Variants in KCNQ3 observed in about 807,000 individuals in gnomAD.
The protein encoded by KCNQ3 is potassium voltage-gated channel subfamily KQT member 3.
KCNQ3 carries 30 observed loss-of-function variants against 92.5 expected under a neutral mutation model. That is an observed-to-expected ratio of 0.32 (90% CI 0.24 to 0.44). The LOEUF (loss-of-function observed/expected upper bound fraction) is 0.44, where lower values mean the gene tolerates loss of function less well. Among genes scored for constraint, KCNQ3 ranks in the 20% least tolerant of loss-of-function variants. The probability of loss-of-function intolerance (pLI) is 1.00; values close to 1 mark genes in which losing one functional copy is unlikely to be tolerated. For synonymous variants in KCNQ3, 450 were observed against 468.8 expected (o/e 0.96, Z 0.52); for missense variants, 913 against 1,140.3 (o/e 0.80, Z 2.87).
intron 1 of KCNQ3, among the ~76,000 whole-genome samples, chr8:132,276,528 C>T (rs1401513935): frequency 6.6e-6 from 1 of 152,156 alleles, no homozygotes; most frequent in East Asian, 1.9e-4. Flanking sequence ...CTGCCCCCAC[C>T]CCCAACAAGG....
intron 1 of KCNQ3, among the ~76,000 whole-genome samples, chr8:132,262,445 A>C (rs1044041149): frequency 5.3e-5 from 8 of 152,228 alleles, no homozygotes; most frequent in African/African-American, 1.9e-4. Context: ...AAGGTAAATA[A>C]TATTTTAATG....
chr8:132,253,602 GT>G (rs1235078611), intron 1 of KCNQ3, among the ~76,000 whole-genome samples: 1 of 152,176 alleles, frequency 6.6e-6, no homozygotes, highest in Non-Finnish European at 1.5e-5. Flanking sequence ...AAGCACATGT[GT>G]TTGCATTTTC....
intron 1 of KCNQ3, among the ~76,000 whole-genome samples, chr8:132,239,312 G>C (rs1052734394): frequency 6.6e-6 from 1 of 152,188 alleles, no homozygotes; most frequent in African/African-American, 2.4e-5. Flanking sequence ...CTAAATCCAA[G>C]AAGATGTAAT....
intron 9 of KCNQ3, among the ~76,000 whole-genome samples, chr8:132,148,946 T>G (rs1825548228): frequency 6.6e-6 from 1 of 152,244 alleles, no homozygotes; most frequent in Admixed American, 6.5e-5. Context: ...TGTGAGCCAA[T>G]TCCTATAATA....
intron 9 of KCNQ3, among the ~76,000 whole-genome samples, chr8:132,150,497 T>C (rs1363030118): frequency 6.6e-6 from 1 of 152,212 alleles, no homozygotes; most frequent in Non-Finnish European, 1.5e-5. Flanking sequence ...TAAAGTTGGC[T>C]AATAAGGGAA....
intron 1 of KCNQ3, among the ~76,000 whole-genome samples, chr8:132,330,647 C>T (rs181338476): frequency 2.4e-4 from 37 of 152,288 alleles, no homozygotes; most frequent in African/African-American, 8.2e-4. Flanking sequence ...TCTTGAGACC[C>T]CAAAGGCAAA....
chr8:132,349,117 G>T (rs941028795), intron 1 of KCNQ3, among the ~76,000 whole-genome samples: 48 of 152,168 alleles, frequency 3.2e-4, no homozygotes, highest in African/African-American at 1.1e-3. Flanking sequence ...TCCGCCCTGG[G>T]AGCTTGTCAC....
intron 1 of KCNQ3, among the ~76,000 whole-genome samples, chr8:132,222,006 G>A (rs1056654133): frequency 1.3e-5 from 2 of 152,198 alleles, no homozygotes; most frequent in African/African-American, 2.4e-5. Flanking sequence ...ATAGGCATGG[G>A]CAAGGACTTC....
chr8:132,215,092 A>T (rs1016265670), intron 1 of KCNQ3, among the ~76,000 whole-genome samples: 6 of 152,372 alleles, frequency 3.9e-5, no homozygotes, highest in Admixed American at 3.9e-4. Flanking sequence ...GAGAAGGCAG[A>T]TGGAGCCATG....
intron 1 of KCNQ3, among the ~76,000 whole-genome samples, chr8:132,399,263 C>G (rs947665215): frequency 5.9e-5 from 9 of 152,148 alleles, no homozygotes; most frequent in African/African-American, 2.2e-4. Flanking sequence ...CAGAGAGCAG[C>G]CTGAGCCTCA....
At chr8:132,283,738 G>T (rs1816600468) in intron 1 of KCNQ3, among the ~76,000 whole-genome samples, 1 of 152,236 alleles carries the variant, frequency 6.6e-6, no homozygotes. Context: ...TACGCATGTA[G>T]AAGGTAATTG....
intron 1 of KCNQ3, among the ~76,000 whole-genome samples, chr8:132,290,634 G>A (rs1330915896): frequency 2.6e-5 from 4 of 152,084 alleles, no homozygotes; most frequent in African/African-American, 9.7e-5. Flanking sequence ...GAGACAAGAG[G>A]GCTTGGAGGA....
chr8:132,413,089 C>T (rs1820695181), intron 1 of KCNQ3, among the ~76,000 whole-genome samples: 1 of 152,224 alleles, frequency 6.6e-6, no homozygotes, highest in Non-Finnish European at 1.5e-5. Context: ...AATGAATGCA[C>T]AAACTTATCT....
intron 12 of KCNQ3, 84 bp from the exon 13 acceptor site, chr8:132,134,472 T>C (rs943960636): frequency 9.9e-7 from 1 of 1,006,968 alleles, no homozygotes; most frequent in African/African-American, 1.6e-5. Context: ...CTCTCTAGAA[T>C]GAGATAAGGG....
chr8:132,134,594 A>G (rs1034283063), intron 12 of KCNQ3, among the ~76,000 whole-genome samples: 1 of 151,668 alleles, frequency 6.6e-6, no homozygotes, highest in East Asian at 2.0e-4. Context: ...GAGAGAGTGC[A>G]TACTAGCTAC....
At chr8:132,191,062 G>A (rs1827140537) in intron 1 of KCNQ3, among the ~76,000 whole-genome samples, 1 of 152,240 alleles carries the variant, frequency 6.6e-6, no homozygotes, top group Non-Finnish European at 1.5e-5. Flanking sequence ...AAAGGCAAGG[G>A]ATATAAGGTG....
At chr8:132,284,526 T>C (rs1816624131) in intron 1 of KCNQ3, among the ~76,000 whole-genome samples, 1 of 151,942 alleles carries the variant, frequency 6.6e-6, no homozygotes, top group South Asian at 2.1e-4. Flanking sequence ...GAGTGTCCCA[T>C]GGAGAGGAGG....
In KCNQ3 at chr8:132,399,237, C is replaced by G. The variant is rs79474322; in HGVS notation, c.386+80910G>C. On this transcript the variant is annotated intron_variant, in intron 1 of 14. Transcript: ENST00000388996. The stretch of plus-strand genomic sequence containing the variant: ...CTTTTAATGAGTTACAGAAATAGCT[C>G]TCACCTCTGTGAGCCCAGAGAGCAG... 5.2e-3 allele frequency among the ~76,000 whole-genome samples: 792 copies of G among 152,294 alleles called. 8 individuals carry two copies. Among genetic ancestry groups the G allele is most frequent in the African/African-American group, 0.018 (766 of 41,570 alleles).
intron 1 of KCNQ3, among the ~76,000 whole-genome samples, chr8:132,301,096 C>T (rs1032610000): frequency 1.3e-5 from 2 of 152,120 alleles, no homozygotes; most frequent in Non-Finnish European, 2.9e-5. Flanking sequence ...GCCTACCCCA[C>T]GATTCATCAC....
Sources: allele counts gnomAD v4.1 joint callset (sites outside exome capture counted in the v4.1 genomes callset), GRCh38; gene constraint gnomAD v4.1.1; transcripts MANE v1.5; gene names NCBI Gene and HGNC (gene_info 2026-07-23, HGNC 2026-07-21).